Variants in GNG12 observed in about 807,000 individuals in gnomAD.
GNG12 encodes guanine nucleotide-binding protein G(I)/G(S)/G(O) subunit gamma-12.
For synonymous variants in GNG12, 28 were observed against 29.7 expected, an observed-to-expected ratio of 0.94 and a Z score of 0.19; for missense variants, 69 against 83.8, an observed-to-expected ratio of 0.82 and a Z score of 0.69.
At chr1:67,832,933 C>G (rs1389181443) in intron 1 of GNG12, among the ~76,000 whole-genome samples, 3 of 152,228 alleles carry the variant, frequency 2.0e-5, no homozygotes, top group Non-Finnish European at 4.4e-5. Context: ...CCTCCCAACC[C>G]GGCGCGGGGC....
intron 2 of GNG12, among the ~76,000 whole-genome samples, chr1:67,758,647 AGGTT>A (rs1293061652): frequency 6.6e-6 from 1 of 152,316 alleles, no homozygotes; most frequent in East Asian, 1.9e-4. Flanking sequence ...TTGAAAGATG[AGGTT>A]GGATACAACT....
At chr1:67,754,167 G>A (rs1646554879) in intron 2 of GNG12, among the ~76,000 whole-genome samples, 1 of 152,006 alleles carries the variant, frequency 6.6e-6, no homozygotes, top group Admixed American at 6.6e-5. Flanking sequence ...CAGATTTCTG[G>A]GCAGCTGGAG....
chr1:67,747,408 C>T lies in GNG12; in HGVS notation c.-27+30050G>A, dbSNP rs139521913. Among the ~76,000 whole-genome samples the T allele has an allele frequency of 4.9e-4, 75 of 152,362 alleles. No individual in the cohort carries two copies. In the East Asian group the frequency reaches 0.011, roughly 22 times the overall value. Reference sequence around the variant, plus strand: ...GTGCTGGGATTACAGGCGTGAGCCACCGCGCCTAGCCCATAAAAAATCTAT... The same window carrying T: ...GTGCTGGGATTACAGGCGTGAGCCATCGCGCCTAGCCCATAAAAAATCTAT... On this transcript the variant is annotated intron_variant, in intron 2 of 3. Coordinates refer to ENST00000370982, the MANE Select transcript of GNG12 (RefSeq NM_018841.6).
intron 2 of GNG12, among the ~76,000 whole-genome samples, chr1:67,749,043 G>C (rs1314288163): frequency 6.6e-6 from 1 of 151,968 alleles, no homozygotes; most frequent in Non-Finnish European, 1.5e-5. Context: ...CACTCCCCTG[G>C]AGGGGAGGAG....
intron 1 of GNG12, among the ~76,000 whole-genome samples, chr1:67,829,963 A>C (rs1647033457): frequency 6.6e-6 from 1 of 152,004 alleles, no homozygotes; most frequent in Non-Finnish European, 1.5e-5. Context: ...ATTAGGACAA[A>C]AACAAGAAGC....
intron 1 of GNG12, among the ~76,000 whole-genome samples, chr1:67,805,419 C>G (rs980648190): frequency 6.6e-6 from 1 of 151,962 alleles, no homozygotes; most frequent in African/African-American, 2.4e-5. Flanking sequence ...GATTAATAAG[C>G]TAAGGGCTTT....
intron 1 of GNG12, among the ~76,000 whole-genome samples, chr1:67,803,191 AT>A (rs1373435952): frequency 2.0e-5 from 3 of 151,132 alleles, no homozygotes; most frequent in Non-Finnish European, 4.4e-5. Flanking sequence ...ATTCCTTGAT[AT>A]TTATCCCATT....
In GNG12 at chr1:67,791,242, T is replaced by C. The variant is rs954031613; in HGVS notation, c.-76-13735A>G. Among the ~76,000 whole-genome samples the C allele has an allele frequency of 3.9e-5, 6 of 152,314 alleles. No homozygotes were observed. The East Asian group carries it at 1.2e-3, about 29-fold the overall frequency. On this transcript the variant is annotated intron_variant, in intron 1 of 3. Coordinates refer to ENST00000370982, the MANE Select transcript of GNG12 (RefSeq NM_018841.6). The stretch of plus-strand genomic sequence containing the variant: ...TTCACACTCATTTCTGATAACCTTA[T>C]GTTCCCTAATCAGATTCTGATATAC...
intron 2 of GNG12, among the ~76,000 whole-genome samples, chr1:67,736,713 T>C (rs547694998): frequency 6.6e-6 from 1 of 152,330 alleles, no homozygotes; most frequent in Non-Finnish European, 1.5e-5. Context: ...AAGAACCGTC[T>C]GGATCCAGGA....
intron 2 of GNG12, among the ~76,000 whole-genome samples, chr1:67,709,923 G>T (rs1392522957): frequency 2.4e-4 from 8 of 33,582 alleles, no homozygotes; most frequent in Admixed American, 5.2e-4. Flanking sequence ...TATATATATA[G>T]TTATATATAT....
At chr1:67,756,696 A>C (rs1419531435) in intron 2 of GNG12, among the ~76,000 whole-genome samples, 3 of 152,180 alleles carry the variant, frequency 2.0e-5, no homozygotes, top group Admixed American at 1.3e-4. Context: ...TGAGCACAGG[A>C]ATGGCTCTGG....
intron 1 of GNG12, among the ~76,000 whole-genome samples, chr1:67,833,121 T>G (rs1381523703): frequency 1.6e-5 from 2 of 128,880 alleles, no homozygotes; most frequent in African/African-American, 5.9e-5. Flanking sequence ...GGCCCCTTCC[T>G]CCCCCTCCCC....
intron 1 of GNG12, among the ~76,000 whole-genome samples, chr1:67,792,473 AT>A (rs1646807222): frequency 6.6e-6 from 1 of 152,228 alleles, no homozygotes; most frequent in South Asian, 2.1e-4. Flanking sequence ...AGATTCTGGT[AT>A]CTGCCCATTG....
At chr1:67,733,647 T>C (rs998155767) in intron 2 of GNG12, among the ~76,000 whole-genome samples, 1 of 152,206 alleles carries the variant, frequency 6.6e-6, no homozygotes. Flanking sequence ...CATGAAACAA[T>C]ACCTAAAGTC....
intron 2 of GNG12, among the ~76,000 whole-genome samples, chr1:67,728,826 C>T (rs1646402150): frequency 6.6e-6 from 1 of 152,142 alleles, no homozygotes; most frequent in African/African-American, 2.4e-5. Context: ...CACACAGAAA[C>T]CCCTCCTTTA....
chr1:67,737,819 C>T (rs1177659349), intron 2 of GNG12, among the ~76,000 whole-genome samples: 1 of 152,132 alleles, frequency 6.6e-6, no homozygotes, highest in Non-Finnish European at 1.5e-5. Flanking sequence ...CAATATGTGG[C>T]CCCTGTAAAC....
At chr1:67,783,947 C>T (rs1436817849) in intron 1 of GNG12, among the ~76,000 whole-genome samples, 3 of 149,962 alleles carry the variant, frequency 2.0e-5, no homozygotes, top group Non-Finnish European at 4.5e-5. Flanking sequence ...ACCATTTGAC[C>T]CAGCCATCCC....
chr1:67,753,064 C>T (rs1029683070), intron 2 of GNG12, among the ~76,000 whole-genome samples: 3 of 152,208 alleles, frequency 2.0e-5, no homozygotes, highest in Admixed American at 6.5e-5. Flanking sequence ...GCCCTCTTCC[C>T]TACTTAGCTC....
chr1:67,736,501 T>C (rs1427547355), intron 2 of GNG12, among the ~76,000 whole-genome samples: 1 of 152,158 alleles, frequency 6.6e-6, no homozygotes, highest in African/African-American at 2.4e-5. Flanking sequence ...AAATGAACCC[T>C]GTGCTGGGGC....
Sources: allele counts gnomAD v4.1 joint callset (sites outside exome capture counted in the v4.1 genomes callset), GRCh38; gene constraint gnomAD v4.1.1; transcripts MANE v1.5; gene names NCBI Gene and HGNC (gene_info 2026-07-23, HGNC 2026-07-21).